ADGRB1: variants seen among roughly 807,000 people sequenced by gnomAD.
The protein encoded by ADGRB1 is brain-specific angiogenesis inhibitor 1.
In ADGRB1, 36 loss-of-function variants were observed where a neutral mutation model predicts 175.7. The ratio of observed to expected loss-of-function variants is 0.20; its 90% CI spans 0.16 to 0.27. ADGRB1 has a LOEUF of 0.27. ADGRB1 is among the 10% of genes least tolerant of loss of function. The pLI is 1.00. For synonymous variants in ADGRB1, 1,054 were observed against 979.4 expected (o/e 1.08, Z -1.42); for missense variants, 1,731 against 2,255.3 (o/e 0.77, Z 4.71).
At chr8:142,479,825 G>A (rs1563695650) in intron 9 of ADGRB1, 31 bp downstream of exon 9, 1 of 1,594,826 alleles carries the variant, frequency 6.3e-7, no homozygotes, top group East Asian at 2.2e-5. Context: ...GGTGTATGGG[G>A]GCTCCCGTCC....
chr8:142,520,386 G>A (rs1843731028), intron 19 of ADGRB1, among the ~76,000 whole-genome samples: 2 of 124,702 alleles, frequency 1.6e-5, no homozygotes, highest in African/African-American at 6.1e-5. Context: ...TGGTGGTGAT[G>A]GTAGTGATTG....
chr8:142,497,935 A>G (rs1313764910), intron 17 of ADGRB1, among the ~76,000 whole-genome samples: 3 of 152,128 alleles, frequency 2.0e-5, no homozygotes, highest in African/African-American at 7.2e-5. Context: ...CGAGTGGGCT[A>G]GCCTCCTCCC....
intron 22 of ADGRB1, 129 bp from the exon 23 acceptor site, chr8:142,524,109 G>A (rs13267277): frequency 0.21 from 216,483 of 1,018,324 alleles, 23,817 homozygotes; most frequent in Admixed American, 0.32. Flanking sequence ...CCTGCATGCC[G>A]AAGGCGCTTA....
chr8:142,489,837 G>A (rs764745280), intron 16 of ADGRB1, among the ~76,000 whole-genome samples: 2 of 152,122 alleles, frequency 1.3e-5, no homozygotes, highest in Non-Finnish European at 2.9e-5. Flanking sequence ...ACCAGGCCTC[G>A]CCTGCAGGGG....
chr8:142,488,766 T>A (rs1177471139), intron 14 of ADGRB1, among the ~76,000 whole-genome samples: 1 of 152,154 alleles, frequency 6.6e-6, no homozygotes, highest in African/African-American at 2.4e-5. Flanking sequence ...CCCTGTTACC[T>A]GGAAGAGAGC....
intron 25 of ADGRB1, 84 bp from the exon 26 acceptor site, chr8:142,536,903 C>G (rs529259503): frequency 8.2e-6 from 10 of 1,214,072 alleles, no homozygotes; most frequent in South Asian, 4.5e-5. Flanking sequence ...CGCCCGCCCC[C>G]CCACAGGTGC....
intron 19 of ADGRB1, 112 bp from the exon 20 acceptor site, chr8:142,520,711 C>T: frequency 1.3e-6 from 1 of 792,644 alleles, no homozygotes; most frequent in Non-Finnish European, 2.1e-6. Context: ...CTGTTGGTGA[C>T]AATGCCTGCA....
At chr8:142,475,729 C>T in intron 3 of ADGRB1, 94 bp downstream of exon 3, 1 of 68,420 alleles carries the variant, frequency 1.5e-5, no homozygotes. Context: ...AGGAGGGGCC[C>T]GTGGGGGCGG....
intron 17 of ADGRB1, among the ~76,000 whole-genome samples, chr8:142,496,859 G>A (rs1367662475): frequency 1.3e-5 from 2 of 152,160 alleles, no homozygotes; most frequent in South Asian, 2.1e-4. Context: ...TCCCAAGTCC[G>A]TATTGACCAT....
chr8:142,524,312 C>A lies in ADGRB1; in HGVS notation c.3312+8C>A. On this transcript the variant is annotated splice_region_variant and intron_variant, in intron 23 of 30. Transcript: ENST00000517894. ...GCCGCTGCCGTTGTGCTGGTACTGA[C>A]CCGCCCAGGCCCCACTCCCCACGAC... 6.3e-7 allele frequency: 1 copy of A among 1,586,744 alleles called. No individual in the cohort carries two copies. Among genetic ancestry groups the A allele is most frequent in the Non-Finnish European group, 8.5e-7 (1 of 1,172,576 alleles).
intron 13 of ADGRB1, 66 bp downstream of exon 13, chr8:142,484,830 C>A: frequency 8.3e-7 from 1 of 1,203,530 alleles, no homozygotes; most frequent in Non-Finnish European, 1.2e-6. Context: ...GGCCCTTCTG[C>A]CTCAGCATCC....
intron 22 of ADGRB1, among the ~76,000 whole-genome samples, chr8:142,523,797 A>T (rs1043945966): frequency 2.0e-5 from 3 of 149,694 alleles, no homozygotes; most frequent in African/African-American, 4.9e-5. Flanking sequence ...GGGAGGGGGC[A>T]GGACAGATGT....
rs558681581 is a variant in ADGRB1, at chr8:142,522,134, G to A, written c.3175+19G>A. ...GGCTGGGGTGAGCCGCGGCCTTCCC[G>A]ACCCTCCTGGACAGATACCCTTCCT... On this transcript the variant is annotated intron_variant, in intron 21 of 30. Transcript: ENST00000517894. 7 of 1,600,384 alleles carry A rather than the reference G, an allele frequency of 4.4e-6. No individual in the cohort carries two copies. Among genetic ancestry groups the A allele is most frequent in the Admixed American group, 1.7e-5 (1 of 59,864 alleles).
intron 19 of ADGRB1, among the ~76,000 whole-genome samples, chr8:142,519,153 C>CCTGGATTCCACAAAACAT (rs1843620369): frequency 2.0e-5 from 3 of 152,126 alleles, no homozygotes. Flanking sequence ...TCCCCTAGGG[C>CCTGGATTCCACAAAACAT]CTGGATTCCA....
intron 4 of ADGRB1, 49 bp downstream of exon 4, chr8:142,476,744 C>T (rs1421904117): frequency 1.2e-5 from 18 of 1,468,706 alleles, no homozygotes; most frequent in Non-Finnish European, 6.4e-6. Flanking sequence ...TGGGAAAATA[C>T]TGTAAGTTAT....
At chr8:142,527,181 G>A (rs1463707930) in intron 24 of ADGRB1, among the ~76,000 whole-genome samples, 1 of 152,218 alleles carries the variant, frequency 6.6e-6, no homozygotes, top group Non-Finnish European at 1.5e-5. Context: ...AGGCGCTTGG[G>A]ATGTGTGGCT....
rs1401537943 is a variant in ADGRB1, at chr8:142,476,523, CCA to C, written c.947-59_947-58del. On this transcript the variant is annotated intron_variant, in intron 3 of 30. Transcript: ENST00000517894. Reference sequence around the variant, plus strand: ...TGCTGCCGAACTCAGAGCACTGTGGCCACAGAGAGAGAGGACGGGGGCAAAGA... The same window carrying C: ...TGCTGCCGAACTCAGAGCACTGTGGCCAGAGAGAGAGGACGGGGGCAAAGA... 11 of 1,455,638 alleles carry C rather than the reference CCA, an allele frequency of 7.6e-6. No homozygotes were observed. In the African/African-American group the frequency reaches 1.3e-4, roughly 17 times the overall value. 90.2% of individuals were successfully genotyped at this position (1,455,638 alleles called of 1,614,324 possible).
At chr8:142,456,631 C>T (rs2131630939) in intron 1 of ADGRB1, among the ~76,000 whole-genome samples, 1 of 152,384 alleles carries the variant, frequency 6.6e-6, no homozygotes, top group African/African-American at 2.4e-5. Context: ...TCTAGCCCCT[C>T]CTTGCACCGA....
At chr8:142,470,910 C>T (rs983050654) in intron 2 of ADGRB1, among the ~76,000 whole-genome samples, 2 of 152,128 alleles carry the variant, frequency 1.3e-5, no homozygotes. Context: ...CCAGGAGCCC[C>T]GGAAGTCCTG....
Sources: gnomAD v4.1 joint callset for allele counts (sites outside exome capture counted in the v4.1 genomes callset) on GRCh38, gnomAD v4.1.1 for gene constraint, MANE v1.5 for transcripts, NCBI Gene and HGNC (gene_info 2026-07-23, HGNC 2026-07-21) for gene names.